Variants in KRT85 observed in about 807,000 individuals in gnomAD.
The protein encoded by KRT85 is keratin 85.
Under a neutral mutation model 53.7 loss-of-function variants are expected in KRT85, and 39 were observed. That is an observed-to-expected ratio of 0.73 (90% CI 0.56 to 0.95). The LOEUF (loss-of-function observed/expected upper bound fraction) is 0.95, where lower values mean the gene tolerates loss of function less well. KRT85 is among the 40% of genes least tolerant of loss of function. The probability of loss-of-function intolerance (pLI) is 0.00; values close to 1 mark genes in which losing one functional copy is unlikely to be tolerated. For synonymous variants in KRT85, 291 were observed against 277.5 expected (o/e 1.05, Z -0.48); for missense variants, 668 against 686.0 (o/e 0.97, Z 0.29).
chr12:52,366,503 C>A (rs1939272787), intron 1 of KRT85, among the ~76,000 whole-genome samples: 1 of 152,210 alleles, frequency 6.6e-6, no homozygotes. Flanking sequence ...GGCTAGGAGC[C>A]ACAAGGTCTT....
Position 52,364,475 on chromosome 12 carries a change from A to G in KRT85, c.630-109T>C, listed in dbSNP as rs929381874. On this transcript the variant is annotated intron_variant, in intron 2 of 8. Coordinates refer to ENST00000257901, the MANE Select transcript of KRT85 (RefSeq NM_002283.4). The stretch of plus-strand genomic sequence containing the variant: ...TTGAAAAGGGATTAATCCCCTCCAG[A>G]TGTTGTCTTGGCCCCTCCAGGATCT... 8.8e-6 allele frequency: 14 copies of G among 1,594,506 alleles called. 1 individual carries two copies. The highest frequency in any genetic ancestry group is 1.1e-5 in the Non-Finnish European group (13 of 1,169,196).
Position 52,364,965 on chromosome 12 carries a change from T to C in KRT85, c.626A>G (p.Lys209Arg). The stretch of plus-strand genomic sequence containing the variant: ...CCCCCCAGCTTGCTGCACTCACTTC[T>C]TCTTGTAGCCCTCCAGCACCTCCTG... Reference protein sequence around the residue: ...HVQEVLEGYKKKYEEEVALRA... With the variant: ...HVQEVLEGYKRKYEEEVALRA... The change falls in exon 2 of 9, where the codon AAG becomes AGG. Residue 209 changes from lysine (K) to arginine (R), a missense_variant. By Grantham distance (26) the Lys-to-Arg change is conservative. Transcript: ENST00000257901. 6.2e-7 allele frequency: 1 copy of C among 1,612,618 alleles called. No homozygotes were observed. Among genetic ancestry groups the C allele is most frequent in the Non-Finnish European group, 8.5e-7 (1 of 1,179,924 alleles).
chr12:52,363,557 G>A, intron 4 of KRT85, 147 bp from the exon 5 acceptor site: 1 of 862,676 alleles, frequency 1.2e-6, no homozygotes. Flanking sequence ...CTCATGCACA[G>A]GCTCCTTAAA....
rs751838902 is a variant in KRT85 at position 52,367,085 on chromosome 12, G to C, written c.321C>G (p.Pro107=). Residue 107 remains proline (P), a synonymous_variant, in exon 1 of 9, where the codon CCC becomes CCG. Transcript: ENST00000257901. ...TVSVNESLLT[P]LNLEIDPNAQ... is the part of the protein sequence containing the mutation. ...CGTTGGGGTCGATCTCCAGGTTGAGGGGCGTGAGGAGGCTCTCGTTGACCG... is the reference window on the plus strand; with the variant it reads ...CGTTGGGGTCGATCTCCAGGTTGAGCGGCGTGAGGAGGCTCTCGTTGACCG... 6.2e-7 allele frequency: 1 copy of C among 1,613,422 alleles called. No homozygotes were observed. Among genetic ancestry groups the C allele is most frequent in the Non-Finnish European group, 8.5e-7 (1 of 1,179,902 alleles).
rs1939174186 is a variant in KRT85, at chr12:52,360,580, T to C, written c.*273A>G. On this transcript the variant is annotated 3_prime_UTR_variant, in exon 9 of 9. Coordinates refer to ENST00000257901, the MANE Select transcript of KRT85 (RefSeq NM_002283.4). The stretch of plus-strand genomic sequence containing the variant: ...CTGAGAGCTGGGGGAATAATACAAA[T>C]TGGATACAGGTATTTTGGAGCTAAG... The C allele has an allele frequency of 5.8e-6, 3 of 519,856 alleles. No individual in the cohort carries two copies. The South Asian group carries it at 6.2e-5, about 11-fold the overall frequency. 32.2% of individuals were successfully genotyped at this position (519,856 alleles called of 1,614,324 possible). A position where few individuals can be genotyped will look rare whatever the true frequency, so the allele number is the denominator to read the frequency against.
Position 52,365,055 on chromosome 12 carries a change from A to G in KRT85, c.536T>C (p.Leu179Pro). ...CTCCACGCACTCGGCCTCCCGCCGC[A>G]GAGTCTCGATGTAGCCACTGAACAG... ...EPLFSGYIET[L>P]RREAECVEAD... The change falls in exon 2 of 9, where the codon CTG becomes CCG. Residue 179 changes from leucine (L) to proline (P), a missense_variant. By Grantham distance (98) the Leu-to-Pro change is moderately conservative. This residue lies in a region of KRT85 where 488 missense variants were observed against 498.1 expected (regional missense o/e 0.98). Coordinates refer to ENST00000257901, the MANE Select transcript of KRT85 (RefSeq NM_002283.4). 1.2e-6 allele frequency: 2 copies of G among 1,613,774 alleles called. No individual in the cohort carries two copies. Among genetic ancestry groups the G allele is most frequent in the South Asian group, 1.1e-5 (1 of 91,054 alleles).
chr12:52,363,088 A>G (rs1939218759), intron 5 of KRT85, 109 bp from the exon 6 acceptor site: 2 of 1,563,278 alleles, frequency 1.3e-6, no homozygotes, highest in Admixed American at 1.8e-5. Context: ...GCAACCACAC[A>G]TGGCAGTCCT....
Position 52,362,584 on chromosome 12 carries a change from G to A in KRT85, c.1078-113C>T, listed in dbSNP as rs1051010574. The A allele has an allele frequency of 2.5e-5, 35 of 1,385,870 alleles. 1 individual carries two copies. The highest frequency in any genetic ancestry group is 2.5e-5 in the East Asian group (1 of 40,456). 85.8% of individuals were successfully genotyped at this position (1,385,870 alleles called of 1,614,324 possible). A position where few individuals can be genotyped will look rare whatever the true frequency, so the allele number is the denominator to read the frequency against. On this transcript the variant is annotated intron_variant, in intron 6 of 8. Coordinates refer to ENST00000257901, the MANE Select transcript of KRT85 (RefSeq NM_002283.4). ...AGGGTCCTGGAGAGAAGGTTGGCCCGTGGCCAGGTAGTTAATGGGGCTGTG... is the reference window on the plus strand; with the variant it reads ...AGGGTCCTGGAGAGAAGGTTGGCCCATGGCCAGGTAGTTAATGGGGCTGTG...
chr12:52,361,589 G>A lies in KRT85; in HGVS notation c.1299-91C>T, dbSNP rs910261023. The stretch of plus-strand genomic sequence containing the variant: ...TTGGGGACAGAGAGGGTCATCCTGT[G>A]TACAGAGTCTACCCCTGAAAGGCAA... On this transcript the variant is annotated intron_variant, in intron 7 of 8. Transcript: ENST00000257901. 9.2e-6 allele frequency: 11 copies of A among 1,191,794 alleles called. No homozygotes were observed. The African/African-American group carries it at 1.1e-4, about 11-fold the overall frequency. 73.8% of individuals were successfully genotyped at this position (1,191,794 alleles called of 1,614,324 possible).
In KRT85 at chr12:52,362,967, T is replaced by C; in HGVS notation, c.964A>G (p.Lys322Glu). 6.2e-7 allele frequency: 1 copy of C among 1,614,118 alleles called. No homozygotes were observed. Among genetic ancestry groups the C allele is most frequent in the Non-Finnish European group, 8.5e-7 (1 of 1,180,026 alleles). ...TCCCCATGCCTGATCACCGTGGCCT[T>C]CATCTCCTCACACTGGAGGAAGTAG... ...SWYRSKCEEM[K>E]ATVIRHGETL... The change falls in exon 6 of 9, where the codon AAG (lysine) becomes GAG (glutamate). Residue 322 changes from lysine to glutamate, a missense_variant. Lys to Glu is a moderately conservative substitution (Grantham distance 56, BLOSUM62 1). This residue lies in a region of KRT85 where 488 missense variants were observed against 498.1 expected (regional missense o/e 0.98). Transcript: ENST00000257901.
In KRT85 at chr12:52,361,797, C is replaced by A. The variant is rs539637909; in HGVS notation, c.1299-299G>T. Among the ~76,000 whole-genome samples, 70 of 152,026 alleles carry A rather than the reference C, an allele frequency of 4.6e-4. 2 individuals carry two copies. The highest frequency in any genetic ancestry group is 1.8e-3 in the Admixed American group (28 of 15,280). ...ACAGGAAGGAGAGTTGAATCAGATA[C>A]ACCAGGGTGTGAAGGGGCTTTGTGG... On this transcript the variant is annotated intron_variant, in intron 7 of 8. Coordinates refer to ENST00000257901, the MANE Select transcript of KRT85 (RefSeq NM_002283.4).
At position 52,364,454 on chromosome 12, in the gene KRT85, A is replaced by G. The variant is rs764881213; in HGVS notation, c.630-88T>C. On this transcript the variant is annotated intron_variant, in intron 2 of 8. Coordinates refer to ENST00000257901, the MANE Select transcript of KRT85 (RefSeq NM_002283.4). ...CTGGGCAAGTTCTTCCGGGGATTGA[A>G]AAGGGATTAATCCCCTCCAGATGTT... 1.4e-5 allele frequency: 22 copies of G among 1,609,970 alleles called. No individual in the cohort carries two copies. In the African/African-American group the frequency reaches 2.8e-4, roughly 21 times the overall value.
At chr12:52,361,074 G>A (rs182768935) in intron 8 of KRT85, 28 bp from the exon 9 acceptor site, 32 of 1,575,314 alleles carry the variant, frequency 2.0e-5, no homozygotes, top group Admixed American at 3.6e-5. Flanking sequence ...ATGGAGGGGT[G>A]AGCAGCTCCC....
At position 52,362,866 on chromosome 12, in the gene KRT85, A is replaced by G. The variant is rs1248915669; in HGVS notation, c.1065T>C (p.Asn355=). The change falls in exon 6 of 9, where the codon AAT becomes AAC. Residue 355 remains asparagine, a synonymous_variant. Coordinates refer to ENST00000257901, the MANE Select transcript of KRT85 (RefSeq NM_002283.4). The stretch of plus-strand genomic sequence containing the variant: ...CCACAGACCCCACCTGGCACTTGGC[A>G]TTCTCAATCTCGGCCGTCAGCCTCT... ...MIQRLTAEIE[N]AKCQRAKLEA... is the part of the protein sequence containing the mutation. 2.5e-6 allele frequency: 4 copies of G among 1,613,972 alleles called. No individual in the cohort carries two copies. In the African/African-American group the frequency reaches 4.0e-5, roughly 16 times the overall value.
intron 1 of KRT85, among the ~76,000 whole-genome samples, chr12:52,366,730 CTACACACACACACATG>C (rs1188357321): frequency 1.3e-5 from 2 of 151,956 alleles, no homozygotes; most frequent in Non-Finnish European, 2.9e-5. Context: ...GCACACACCG[CTACACACACACACATG>C]TACACACACA....
rs1485408786 is a variant in KRT85 at position 52,365,248 on chromosome 12, G to A, written c.421-78C>T. On this transcript the variant is annotated intron_variant, in intron 1 of 8. Transcript: ENST00000257901. ...GGTCCCCCACAGTCTCTCTGCCCTC[G>A]GGTGCTGGCTGAATGGGCTGAGCCA... 6 of 1,475,498 alleles carry A rather than the reference G, an allele frequency of 4.1e-6. No individual in the cohort carries two copies. In the African/African-American group the frequency reaches 4.2e-5, roughly 10 times the overall value. The allele number at this position is 1,475,498 out of a possible 1,614,324, so 91.4% of individuals were successfully genotyped here. A position where few individuals can be genotyped will look rare whatever the true frequency, so the allele number is the denominator to read the frequency against.
rs1216277713 is a variant in KRT85 at position 52,360,677 on chromosome 12, T to C, written c.*176A>G. On this transcript the variant is annotated 3_prime_UTR_variant, in exon 9 of 9. Coordinates refer to ENST00000257901, the MANE Select transcript of KRT85 (RefSeq NM_002283.4). ...GGAGGACAACTAGGATGCATCTCCC[T>C]AGCATGAAAAGGCGCAGGGGAGCGG... The C allele has an allele frequency of 1.2e-5, 8 of 684,964 alleles. No homozygotes were observed. The highest frequency in any genetic ancestry group is 2.5e-6 in the Non-Finnish European group (1 of 395,484). The allele number at this position is 684,964 out of a possible 1,614,324, so 42.4% of individuals were successfully genotyped here.
chr12:52,364,420 T>C (rs967725436), intron 2 of KRT85, 54 bp from the exon 3 acceptor site: 3 of 1,613,940 alleles, frequency 1.9e-6, no homozygotes, highest in Admixed American at 1.7e-5. Context: ...TTGAATACCA[T>C]CCCAACTCCT....
chr12:52,365,093 G>T lies in KRT85; in HGVS notation c.498C>A (p.Ser166Arg). The change falls in exon 2 of 9, where the codon AGC becomes AGA. Residue 166 changes from serine (S) to arginine (R), a missense_variant. By Grantham distance (110) the Ser-to-Arg change is moderately radical. Around this residue, in one of 3 missense-constraint regions of KRT85, gnomAD observed 488 missense variants for 498.1 expected, o/e 0.98. Coordinates refer to ENST00000257901, the MANE Select transcript of KRT85 (RefSeq NM_002283.4). Reference protein sequence around the residue: ...QFYQNQRCCESNLEPLFSGYI... With the variant: ...QFYQNQRCCERNLEPLFSGYI... ...AGCCACTGAACAGTGGCTCCAGGTT[G>T]CTCTCGCAGCAGCGCTGGTTCTGGT... The T allele has an allele frequency of 6.2e-7, 1 of 1,614,132 alleles. No individual in the cohort carries two copies.
Sources: gnomAD v4.1 joint callset for allele counts (sites outside exome capture counted in the v4.1 genomes callset) on GRCh38, gnomAD v4.1.1 for gene constraint, gnomAD v4.1.1 regional missense constraint, MANE v1.5 for transcripts, NCBI Gene and HGNC (gene_info 2026-07-23, HGNC 2026-07-21) for gene names.